Variants in NEK11 observed in about 807,000 individuals in gnomAD.
The protein encoded by NEK11 is serine/threonine-protein kinase Nek11.
NEK11 carries 72 observed loss-of-function variants against 80.7 expected under a neutral mutation model. The observed-to-expected ratio is 0.89, with a 90% confidence interval of 0.74 to 1.08. NEK11 has a LOEUF of 1.08. Among genes scored for constraint, NEK11 ranks in the 50% least tolerant of loss-of-function variants. The pLI is 0.00. For missense variants in NEK11, 764 were observed against 763.6 expected, an observed-to-expected ratio of 1.00 and a Z score of -0.01; for synonymous variants, 251 against 260.7, an observed-to-expected ratio of 0.96 and a Z score of 0.36.
rs575044847 is a variant in NEK11, at chr3:131,154,406, T to A, written c.877-630T>A. On this transcript the variant is annotated intron_variant, in intron 9 of 17. Coordinates refer to ENST00000383366, the MANE Select transcript of NEK11 (RefSeq NM_024800.5). ...TTCATAATCAAGATAAGTAATATTT[T>A]AAAAATCCAGATTAATGCTTAAAAT... Among the ~76,000 whole-genome samples the A allele has an allele frequency of 2.0e-5, 3 of 152,286 alleles. No homozygotes were observed. The South Asian group carries it at 6.2e-4, about 32-fold the overall frequency.
intron 17 of NEK11, among the ~76,000 whole-genome samples, chr3:131,307,929 T>C (rs1432921730): frequency 6.6e-6 from 1 of 152,222 alleles, no homozygotes; most frequent in Non-Finnish European, 1.5e-5. Flanking sequence ...ACCTAGAGAA[T>C]TTATAATCTG....
At chr3:131,048,102 A>G (rs1364442065) in intron 3 of NEK11, among the ~76,000 whole-genome samples, 3 of 152,170 alleles carry the variant, frequency 2.0e-5, no homozygotes, top group Non-Finnish European at 4.4e-5. Context: ...CACGTATCCC[A>G]AAAGGCCAGT....
chr3:131,034,592 G>A (rs1322909957), intron 3 of NEK11, among the ~76,000 whole-genome samples: 1 of 152,064 alleles, frequency 6.6e-6, no homozygotes, highest in Non-Finnish European at 1.5e-5. Flanking sequence ...GTAGAGATGG[G>A]GTTTCACCGT....
At chr3:131,078,402 C>A (rs1213299323) in intron 3 of NEK11, among the ~76,000 whole-genome samples, 1 of 152,162 alleles carries the variant, frequency 6.6e-6, no homozygotes, top group Non-Finnish European at 1.5e-5. Context: ...CCTACTTAGG[C>A]TCTCAGCTTC....
chr3:131,306,063 A>C (rs187646969), intron 17 of NEK11, among the ~76,000 whole-genome samples: 1 of 152,126 alleles, frequency 6.6e-6, no homozygotes, highest in Non-Finnish European at 1.5e-5. Flanking sequence ...ATTTCTTATG[A>C]AATGTGGTTC....
At position 131,349,704 on chromosome 3, in the gene NEK11, C is replaced by A. The variant is rs764330133; in HGVS notation, c.1866C>A (p.Asp622Glu). Residue 622 changes from aspartate to glutamate, a missense_variant, in exon 18 of 18, where the codon GAC becomes GAA. Coordinates refer to ENST00000383366, the MANE Select transcript of NEK11 (RefSeq NM_024800.5). Reference sequence around the variant, plus strand: ...AAGCCAGCGACTGTTTTGAAGTGGACCAGCTCCTGTACTTTGAAGAGCAGT... The same window carrying A: ...AAGCCAGCGACTGTTTTGAAGTGGAACAGCTCCTGTACTTTGAAGAGCAGT... ...VPQASDCFEV[D>E]QLLYFEEQLL... 1.8e-5 allele frequency: 29 copies of A among 1,614,032 alleles called. No individual in the cohort carries two copies. The highest frequency in any genetic ancestry group is 1.7e-4 in the Admixed American group (10 of 60,004).
At chr3:131,226,405 T>C (rs1454580137) in intron 14 of NEK11, among the ~76,000 whole-genome samples, 1 of 152,096 alleles carries the variant, frequency 6.6e-6, no homozygotes, top group Non-Finnish European at 1.5e-5. Context: ...AATTCACAAT[T>C]GCAAGGATAT....
At position 131,162,519 on chromosome 3, in the gene NEK11, G is replaced by A. The variant is rs751449480; in HGVS notation, c.1074G>A (p.Arg358=). 4.3e-6 allele frequency: 7 copies of A among 1,614,098 alleles called. No homozygotes were observed. In the South Asian group the frequency reaches 6.6e-5, roughly 15 times the overall value. The change falls in exon 11 of 18, where the codon AGG becomes AGA. Residue 358 remains arginine (R), a synonymous_variant. Coordinates refer to ENST00000383366, the MANE Select transcript of NEK11 (RefSeq NM_024800.5). ...TCCAGGCGGCTGATGAGAAAGCCAG[G>A]AAGCTGAAGTAAGCTGCTTTTCCTT... is the stretch of plus-strand genomic sequence containing the variant. ...RKLQAADEKA[R]KLKKIVEEKY...
At chr3:131,172,485 A>G (rs1213775222) in intron 14 of NEK11, among the ~76,000 whole-genome samples, 2 of 152,246 alleles carry the variant, frequency 1.3e-5, no homozygotes, top group Non-Finnish European at 2.9e-5. Flanking sequence ...TTAGATTGGC[A>G]TTAGCCAGCT....
rs1229287871 is a variant in NEK11, at chr3:131,096,938, A to G, written c.337-12865A>G. ...ATGTGATGTTCCCCTTCCTGTGTCC[A>G]TGTGTTCTCATTGTTCAATTCCCAC... On this transcript the variant is annotated intron_variant, in intron 4 of 17. Transcript: ENST00000383366. 2.4e-5 allele frequency among the ~76,000 whole-genome samples: 3 copies of G among 126,734 alleles called. No homozygotes were observed. In the East Asian group the frequency reaches 7.3e-4, roughly 31 times the overall value. 83.1% of individuals were successfully genotyped at this position (126,734 alleles called of 152,430 possible). A position where few individuals can be genotyped will look rare whatever the true frequency, so the allele number is the denominator to read the frequency against.
At position 131,109,940 on chromosome 3, in the gene NEK11, G is replaced by A. The variant is rs750831578; in HGVS notation, c.455+19G>A. On this transcript the variant is annotated intron_variant, in intron 5 of 17. Coordinates refer to ENST00000383366, the MANE Select transcript of NEK11 (RefSeq NM_024800.5). ...ATGAGAGGTATGTTCATTTGCTACT[G>A]GGGGAGCATGATATATTTTTAACAG... 3.2e-6 allele frequency: 5 copies of A among 1,574,656 alleles called. No homozygotes were observed. Among genetic ancestry groups the A allele is most frequent in the South Asian group, 1.2e-5 (1 of 83,320 alleles).
chr3:131,315,371 T>C (rs1411911998), intron 17 of NEK11, among the ~76,000 whole-genome samples: 3 of 152,182 alleles, frequency 2.0e-5, no homozygotes, highest in Non-Finnish European at 4.4e-5. Flanking sequence ...TTTTTCTTTC[T>C]GTGTCTGGCT....
At chr3:131,045,378 A>C (rs1397051351) in intron 3 of NEK11, among the ~76,000 whole-genome samples, 1 of 152,160 alleles carries the variant, frequency 6.6e-6, no homozygotes, top group African/African-American at 2.4e-5. Flanking sequence ...AATAATTTTT[A>C]AATTTCCATC....
At chr3:131,231,660 A>T (rs189742116) in intron 15 of NEK11, among the ~76,000 whole-genome samples, 2 of 151,868 alleles carry the variant, frequency 1.3e-5, no homozygotes, top group Non-Finnish European at 2.9e-5. Flanking sequence ...CCTTCCCCAA[A>T]GGTGATGAAT....
In NEK11 at chr3:131,273,528, A is replaced by G. The variant is rs756367991; in HGVS notation, c.1672A>G (p.Ile558Val). The change falls in exon 17 of 18, where the codon ATT becomes GTT. Residue 558 changes from isoleucine (I) to valine (V), a missense_variant. Coordinates refer to ENST00000383366, the MANE Select transcript of NEK11 (RefSeq NM_024800.5). ...TGAAGACATGTCCCCAGGACCACCAATTTTCAACAGTGTGATGGCCAGGAC... is the reference window on the plus strand; with the variant it reads ...TGAAGACATGTCCCCAGGACCACCAGTTTTCAACAGTGTGATGGCCAGGAC... The part of the protein sequence containing the change: ...MAEDMSPGPP[I>V]FNSVMARTKM... 1.5e-5 allele frequency: 25 copies of G among 1,613,910 alleles called. No homozygotes were observed. In the Admixed American group the frequency reaches 2.0e-4, roughly 13 times the overall value.
At chr3:131,211,955 C>T (rs1457416192) in intron 14 of NEK11, among the ~76,000 whole-genome samples, 3 of 152,178 alleles carry the variant, frequency 2.0e-5, no homozygotes, top group South Asian at 2.1e-4. Flanking sequence ...TCTTCTGAAG[C>T]CTACTTCTGT....
At chr3:131,273,354 A>G (rs1010708513) in intron 16 of NEK11, 124 bp from the exon 17 acceptor site, 4 of 641,210 alleles carry the variant, frequency 6.2e-6, no homozygotes, top group Non-Finnish European at 1.1e-5. Flanking sequence ...ATTCATCTCT[A>G]ATTAATGTAG....
At chr3:131,093,371 A>G (rs1444780173) in intron 4 of NEK11, among the ~76,000 whole-genome samples, 1 of 152,198 alleles carries the variant, frequency 6.6e-6, no homozygotes, top group Non-Finnish European at 1.5e-5. Context: ...TTAGATTTAA[A>G]CAAGAGTCTG....
chr3:131,039,746 A>G (rs1366336032), intron 3 of NEK11, among the ~76,000 whole-genome samples: 1 of 152,238 alleles, frequency 6.6e-6, no homozygotes, highest in Non-Finnish European at 1.5e-5. Flanking sequence ...AGAAGGGGGA[A>G]AATTCTCAAG....
Sources: gnomAD v4.1 joint callset for allele counts (sites outside exome capture counted in the v4.1 genomes callset) on GRCh38, gnomAD v4.1.1 for gene constraint, MANE v1.5 for transcripts, NCBI Gene and HGNC (gene_info 2026-07-23, HGNC 2026-07-21) for gene names.